Variants in SAMD5 observed in about 807,000 individuals in gnomAD.
SAMD5 encodes sterile alpha motif domain containing 5, also known as sterile alpha motif domain-containing protein 5.
Under a neutral mutation model 11.3 loss-of-function variants are expected in SAMD5, and 13 were observed. The ratio of observed to expected loss-of-function variants is 1.15; its 90% confidence interval spans 0.75 to 1.83. SAMD5 has a LOEUF of 1.83. Among genes scored for constraint, SAMD5 ranks in the 40% most tolerant of loss-of-function variants. The probability of loss-of-function intolerance (pLI) is 0.00; values close to 1 mark genes in which losing one functional copy is unlikely to be tolerated. For synonymous variants in SAMD5, 129 were observed against 111.3 expected (o/e 1.16, Z -1.00); for missense variants, 255 against 239.1 (o/e 1.07, Z -0.44).
the SAMD5 span, among the ~76,000 whole-genome samples, chr6:147,858,208 C>T: frequency 6.6e-6 from 1 of 152,092 alleles, no homozygotes; most frequent in Non-Finnish European, 1.5e-5. Flanking sequence ...CCTAAATGAA[C>T]CCGATCGCTG....
In SAMD5 at chr6:147,620,962, C is replaced by CTGTGTGTGTG. The variant is rs78040354; in HGVS notation, c.162+111594_162+111603dup. On this transcript the variant is annotated intron_variant, in intron 1 of 1. Coordinates refer to the SAMD5 transcript ENST00000566741. ...TGTGTGTATGACTGTGTATGTGCCT[C>CTGTGTGTGTG]TGTGTGTGTGTGTGTGTGTGTGTGT... Among the ~76,000 whole-genome samples, 420 of 128,536 alleles carry CTGTGTGTGTG rather than the reference C, an allele frequency of 3.3e-3. 3 individuals carry two copies. The highest frequency in any genetic ancestry group is 0.011 in the African/African-American group (405 of 37,366). 84.3% of individuals were successfully genotyped at this position (128,536 alleles called of 152,430 possible).
At chr6:147,919,968 T>G in the SAMD5 span, among the ~76,000 whole-genome samples, 1 of 152,228 alleles carries the variant, frequency 6.6e-6, no homozygotes, top group African/African-American at 2.4e-5. Context: ...TAAATCCCTT[T>G]TATACCAACC....
chr6:147,924,146 G>A, the SAMD5 span, among the ~76,000 whole-genome samples: 30 of 152,216 alleles, frequency 2.0e-4, no homozygotes, highest in East Asian at 4.5e-3. Context: ...GGGGAAGTGG[G>A]ACCTTGCCAA....
chr6:147,531,608 T>A (rs901238627), intron 1 of SAMD5, among the ~76,000 whole-genome samples: 1 of 152,210 alleles, frequency 6.6e-6, no homozygotes, highest in African/African-American at 2.4e-5. Flanking sequence ...CAAACAAACC[T>A]ATCAACCAAC....
chr6:147,726,248 T>A (rs1699496840), intron 1 of SAMD5, among the ~76,000 whole-genome samples: 3 of 152,212 alleles, frequency 2.0e-5, no homozygotes, highest in Admixed American at 2.0e-4. Context: ...TACTTCTGCA[T>A]CCATTTTTTC....
At chr6:147,658,894 G>A (rs760083674) in intron 1 of SAMD5, among the ~76,000 whole-genome samples, 1 of 152,130 alleles carries the variant, frequency 6.6e-6, no homozygotes, top group Non-Finnish European at 1.5e-5. Flanking sequence ...TTTGATCTGC[G>A]TTCATTTTAG....
the SAMD5 span, among the ~76,000 whole-genome samples, chr6:147,840,481 A>G: frequency 9.8e-5 from 15 of 152,358 alleles, no homozygotes; most frequent in Non-Finnish European, 7.3e-5. Context: ...CAACCCAAAC[A>G]TAGACAATTA....
At chr6:147,776,741 G>A in the SAMD5 span, among the ~76,000 whole-genome samples, 1 of 152,108 alleles carries the variant, frequency 6.6e-6, no homozygotes, top group East Asian at 1.9e-4. Flanking sequence ...GTTTTTAAAT[G>A]CGGTGACAAG....
rs142193981 is a variant in SAMD5, at chr6:147,600,495, G to A, written c.162+91108G>A. Among the ~76,000 whole-genome samples, 408 of 152,296 alleles carry A rather than the reference G, an allele frequency of 2.7e-3. 3 individuals carry two copies. Among genetic ancestry groups the A allele is most frequent in the African/African-American group, 9.2e-3 (381 of 41,556 alleles). ...CCTCCCATTCTTGGGAGTTTCATAT[G>A]GAGCCTCCTCCCACCCTCCTGTCTA... is the stretch of plus-strand genomic sequence containing the variant. On this transcript the variant is annotated intron_variant, in intron 1 of 1. Coordinates refer to the SAMD5 transcript ENST00000566741.
At chr6:147,758,220 G>A in the SAMD5 span, among the ~76,000 whole-genome samples, 1 of 152,174 alleles carries the variant, frequency 6.6e-6, no homozygotes, top group Non-Finnish European at 1.5e-5. Context: ...ATTAGCTAAA[G>A]AAACTAAAGA....
At position 147,629,929 on chromosome 6, in the gene SAMD5, G is replaced by A. The variant is rs188135226; in HGVS notation, c.163-107388G>A. On this transcript the variant is annotated intron_variant, in intron 1 of 1. Coordinates refer to the SAMD5 transcript ENST00000566741. ...CATTAAAGAGTTTTCGAAGAGTCAC[G>A]ACCCATAGGTTTTCTTTTCTTTTTT... Among the ~76,000 whole-genome samples the A allele has an allele frequency of 6.2e-3, 940 of 150,512 alleles. 5 individuals carry two copies. The highest frequency in any genetic ancestry group is 8.7e-3 in the Non-Finnish European group (590 of 67,718).
At chr6:147,862,155 GT>G in the SAMD5 span, among the ~76,000 whole-genome samples, 13 of 149,538 alleles carry the variant, frequency 8.7e-5, no homozygotes, top group South Asian at 4.3e-4. Context: ...TTCTTGTTTA[GT>G]TTTTTTTTTA....
the SAMD5 span, among the ~76,000 whole-genome samples, chr6:147,799,524 G>A: frequency 1.3e-5 from 2 of 151,084 alleles, no homozygotes; most frequent in Non-Finnish European, 2.9e-5. Context: ...TTTCAACTTT[G>A]GTGAATCTGA....
intron 1 of SAMD5, among the ~76,000 whole-genome samples, chr6:147,541,816 T>A (rs944235742): frequency 1.3e-5 from 2 of 152,160 alleles, no homozygotes; most frequent in African/African-American, 4.8e-5. Flanking sequence ...ATCTTCCTGG[T>A]TGAGAAGTCT....
chr6:147,942,343 G>C, the SAMD5 span, among the ~76,000 whole-genome samples: 46 of 152,296 alleles, frequency 3.0e-4, no homozygotes, highest in African/African-American at 1.1e-3. Flanking sequence ...CTGGGTCTCA[G>C]CTTAGCTCTA....
At chr6:147,807,148 G>T in the SAMD5 span, among the ~76,000 whole-genome samples, 1 of 152,070 alleles carries the variant, frequency 6.6e-6, no homozygotes, top group Admixed American at 6.6e-5. Context: ...CACCCAGGCT[G>T]GAGTGTAGTG....
the SAMD5 span, among the ~76,000 whole-genome samples, chr6:147,931,214 C>A: frequency 6.6e-6 from 1 of 152,108 alleles, no homozygotes; most frequent in African/African-American, 2.4e-5. Context: ...CATAAATAAT[C>A]TATTTTTTCT....
chr6:147,864,152 G>A, the SAMD5 span, among the ~76,000 whole-genome samples: 23 of 152,092 alleles, frequency 1.5e-4, no homozygotes, highest in East Asian at 1.7e-3. Context: ...GGAGAGGTTT[G>A]CCACCAAACA....
the SAMD5 span, among the ~76,000 whole-genome samples, chr6:147,907,669 G>A: frequency 6.6e-6 from 1 of 152,162 alleles, no homozygotes; most frequent in African/African-American, 2.4e-5. Flanking sequence ...GGGGTGGGAG[G>A]AATCTTTTCC....
Sources: gnomAD v4.1 joint callset for allele counts (sites outside exome capture counted in the v4.1 genomes callset) on GRCh38, gnomAD v4.1.1 for gene constraint, MANE v1.5 for transcripts, NCBI Gene and HGNC (gene_info 2026-07-23, HGNC 2026-07-21) for gene names.